Variants in NAV3 observed in about 807,000 individuals in gnomAD.
NAV3 encodes the protein pore membrane and/or filament interacting like protein 1.
A neutral mutation model predicts 244.7 loss-of-function variants in NAV3; 87 were observed. That is an observed-to-expected ratio of 0.36 (90% CI 0.30 to 0.42). NAV3 has a LOEUF of 0.42. Ranked by LOEUF, NAV3 falls within the 20% of genes least tolerant of loss-of-function variation. The pLI, the probability that NAV3 is intolerant of heterozygous loss-of-function variation, is 1.00. For synonymous variants in NAV3, 1,126 were observed against 1,042.2 expected (o/e 1.08, Z -1.55); for missense variants, 2,663 against 2,893.3 (o/e 0.92, Z 1.83).
intron 9 of NAV3, among the ~76,000 whole-genome samples, chr12:78,043,071 A>T (rs911581044): frequency 6.6e-6 from 1 of 151,962 alleles, no homozygotes; most frequent in Non-Finnish European, 1.5e-5. Flanking sequence ...CCCTAATGCT[A>T]TCCCTCCCCT....
At chr12:78,011,078 A>G (rs1387253750) in intron 8 of NAV3, among the ~76,000 whole-genome samples, 1 of 152,174 alleles carries the variant, frequency 6.6e-6, no homozygotes, top group African/African-American at 2.4e-5. Context: ...TATCAAATAG[A>G]TATAACTAAG....
intron 2 of NAV3, among the ~76,000 whole-genome samples, chr12:77,800,938 G>T (rs937262424): frequency 6.6e-6 from 1 of 151,984 alleles, no homozygotes; most frequent in Admixed American, 6.6e-5. Context: ...CTTCAGAGAA[G>T]ATTATAAGAT....
At chr12:77,915,533 A>G (rs1331706070) in intron 1 of NAV3, among the ~76,000 whole-genome samples, 1 of 152,024 alleles carries the variant, frequency 6.6e-6, no homozygotes, top group Non-Finnish European at 1.5e-5. Flanking sequence ...AAAGAAAAAA[A>G]AAGATCTTCT....
chr12:78,012,171 C>G (rs1289437390), intron 8 of NAV3, among the ~76,000 whole-genome samples: 10 of 152,106 alleles, frequency 6.6e-5, no homozygotes, highest in Non-Finnish European at 1.5e-4. Flanking sequence ...ACCCCTTCTC[C>G]ATACATCAAA....
intron 2 of NAV3, 109 bp from the exon 3 acceptor site, chr12:77,940,972 G>C: frequency 1.4e-6 from 1 of 711,356 alleles, no homozygotes; most frequent in Non-Finnish European, 2.4e-6. Context: ...TGTAGCAGGA[G>C]CATTTTTGCT....
intron 2 of NAV3, among the ~76,000 whole-genome samples, chr12:77,669,688 C>G (rs1276129735): frequency 6.6e-6 from 1 of 151,962 alleles, no homozygotes; most frequent in South Asian, 2.1e-4. Context: ...CACTAGAGCT[C>G]CCAACTGTAT....
intron 12 of NAV3, among the ~76,000 whole-genome samples, chr12:78,110,216 C>T (rs1386165031): frequency 6.6e-6 from 1 of 151,668 alleles, no homozygotes; most frequent in Admixed American, 6.6e-5. Context: ...AATTAAAATA[C>T]CTGGGAATAA....
intron 2 of NAV3, among the ~76,000 whole-genome samples, chr12:77,778,378 C>T (rs1362224515): frequency 2.6e-5 from 4 of 151,376 alleles, no homozygotes; most frequent in Non-Finnish European, 5.9e-5. Context: ...TCTGGGAGGC[C>T]AAGGCAGGTG....
At chr12:77,965,780 T>C (rs1180773958) in intron 3 of NAV3, among the ~76,000 whole-genome samples, 1 of 152,220 alleles carries the variant, frequency 6.6e-6, no homozygotes, top group Non-Finnish European at 1.5e-5. Context: ...AAAATATGCT[T>C]CATTTTCATG....
At chr12:77,968,970 G>A (rs899875870) in intron 5 of NAV3, among the ~76,000 whole-genome samples, 1 of 152,154 alleles carries the variant, frequency 6.6e-6, no homozygotes, top group Non-Finnish European at 1.5e-5. Flanking sequence ...TGTAAGTAAT[G>A]TGGCATGACT....
chr12:77,820,523 A>G lies in NAV3; in HGVS notation c.73-119796A>G, dbSNP rs144183653. 8.6e-3 allele frequency among the ~76,000 whole-genome samples: 1,315 copies of G among 152,304 alleles called. 21 individuals are homozygous for G. The highest frequency in any genetic ancestry group is 0.03 in the African/African-American group (1,231 of 41,584). ...CACTTTCCAAAGGCCACAACCGCCA[A>G]TATTGTTGCATTGAGGATTAAGTTT... is the stretch of plus-strand genomic sequence containing the variant. On this transcript the variant is annotated intron_variant, in intron 2 of 8. Coordinates refer to the NAV3 transcript ENST00000550042.
At chr12:77,996,305 T>C (rs1391781904) in intron 6 of NAV3, among the ~76,000 whole-genome samples, 1 of 152,222 alleles carries the variant, frequency 6.6e-6, no homozygotes, top group African/African-American at 2.4e-5. Flanking sequence ...GTGCAATCAC[T>C]GGTCCTGTAA....
chr12:78,191,317 CAG>C (rs1005369371), intron 34 of NAV3, among the ~76,000 whole-genome samples: 2 of 151,934 alleles, frequency 1.3e-5, no homozygotes, highest in Non-Finnish European at 2.9e-5. Flanking sequence ...GTGAGAGAGA[CAG>C]AGAGAACAGC....
chr12:77,775,199 C>T (rs1454098822), intron 2 of NAV3, among the ~76,000 whole-genome samples: 1 of 151,938 alleles, frequency 6.6e-6, no homozygotes, highest in African/African-American at 2.4e-5. Flanking sequence ...CGAGACCAGC[C>T]TGACTAACAC....
intron 2 of NAV3, among the ~76,000 whole-genome samples, chr12:77,708,827 G>A (rs1333409758): frequency 6.6e-6 from 1 of 152,146 alleles, no homozygotes; most frequent in Non-Finnish European, 1.5e-5. Context: ...AAGCAATTGT[G>A]AATGGGAGTT....
At chr12:77,815,239 T>C (rs1872482278) in intron 2 of NAV3, among the ~76,000 whole-genome samples, 1 of 152,198 alleles carries the variant, frequency 6.6e-6, no homozygotes, top group African/African-American at 2.4e-5. Flanking sequence ...AGTATAGTCT[T>C]AATGATGGGA....
intron 12 of NAV3, among the ~76,000 whole-genome samples, chr12:78,113,744 C>A (rs1466019861): frequency 6.6e-6 from 1 of 152,164 alleles, no homozygotes. Flanking sequence ...TCCCTATTGT[C>A]TTATTAAGAT....
intron 2 of NAV3, among the ~76,000 whole-genome samples, chr12:77,706,777 A>G (rs1265783682): frequency 6.8e-6 from 1 of 146,338 alleles, no homozygotes; most frequent in South Asian, 2.3e-4. Flanking sequence ...AGGCTGAGGC[A>G]GGAGAATGGC....
At chr12:77,778,468 C>T (rs1442161324) in intron 2 of NAV3, among the ~76,000 whole-genome samples, 4 of 151,432 alleles carry the variant, frequency 2.6e-5, no homozygotes, top group Admixed American at 6.6e-5. Flanking sequence ...AAAAATTAGC[C>T]AGGCATGGTG....
Sources: gnomAD v4.1 joint callset for allele counts (sites outside exome capture counted in the v4.1 genomes callset) on GRCh38, gnomAD v4.1.1 for gene constraint, MANE v1.5 for transcripts, NCBI Gene and HGNC (gene_info 2026-07-23, HGNC 2026-07-21) for gene names.